PCDH15: variants seen among roughly 807,000 people sequenced by gnomAD.
The protein encoded by PCDH15 is protocadherin-15.
In PCDH15, 129 loss-of-function variants were observed where a neutral mutation model predicts 178.5. That is an observed-to-expected ratio of 0.72 (90% CI 0.63 to 0.84). The LOEUF (loss-of-function observed/expected upper bound fraction) is 0.84. PCDH15 is among the 40% of genes least tolerant of loss of function. The pLI is 0.00. For missense variants in PCDH15, 2,230 were observed against 2,099.9 expected (o/e 1.06, Z -1.21); for synonymous variants, 800 against 732.0 (o/e 1.09, Z -1.50).
chr10:53,881,710 T>C (rs749071013), intron 26 of PCDH15, among the ~76,000 whole-genome samples: 5 of 152,200 alleles, frequency 3.3e-5, no homozygotes, highest in African/African-American at 4.8e-5. Context: ...TACTTTTGTC[T>C]ACATAAAATT....
intron 9 of PCDH15, among the ~76,000 whole-genome samples, chr10:54,216,044 GAAAAAAA>G (rs10648282): frequency 9.7e-4 from 68 of 70,384 alleles, no homozygotes; most frequent in African/African-American, 2.7e-3. Flanking sequence ...CTCCGTCTCA[GAAAAAAA>G]AAAAAAAAAA....
intron 3 of PCDH15, among the ~76,000 whole-genome samples, chr10:54,463,166 G>A (rs1353793700): frequency 6.6e-6 from 1 of 152,064 alleles, no homozygotes; most frequent in Non-Finnish European, 1.5e-5. Context: ...CTAATAAGCT[G>A]AGTGAATGCC....
At chr10:55,379,353 A>C (rs1208436994) in intron 2 of PCDH15, among the ~76,000 whole-genome samples, 1 of 151,870 alleles carries the variant, frequency 6.6e-6, no homozygotes, top group African/African-American at 2.4e-5. Context: ...TAAGAAAATA[A>C]TTATTTAAAG....
intron 1 of PCDH15, among the ~76,000 whole-genome samples, chr10:54,681,689 T>C (rs2094902108): frequency 6.6e-6 from 1 of 151,974 alleles, no homozygotes; most frequent in Non-Finnish European, 1.5e-5. Flanking sequence ...ATATAATTTG[T>C]TAGTGTTTTT....
At chr10:53,915,514 T>A (rs1381276908) in intron 25 of PCDH15, among the ~76,000 whole-genome samples, 1 of 152,320 alleles carries the variant, frequency 6.6e-6, no homozygotes, top group East Asian at 1.9e-4. Context: ...GGTTAATAAC[T>A]GAATTGAGTA....
chr10:55,154,122 TAC>T (rs1463999047), intron 2 of PCDH15, among the ~76,000 whole-genome samples: 1 of 152,142 alleles, frequency 6.6e-6, no homozygotes, highest in Non-Finnish European at 1.5e-5. Flanking sequence ...ACATTATTTG[TAC>T]ATATATTCAG....
At chr10:54,554,231 G>C (rs2086922782) in intron 2 of PCDH15, among the ~76,000 whole-genome samples, 1 of 151,982 alleles carries the variant, frequency 6.6e-6, no homozygotes, top group Non-Finnish European at 1.5e-5. Context: ...TACACAACCT[G>C]AGTTTCACAA....
intron 3 of PCDH15, among the ~76,000 whole-genome samples, chr10:54,813,764 A>G (rs1285266917): frequency 6.6e-6 from 1 of 152,186 alleles, no homozygotes; most frequent in Non-Finnish European, 1.5e-5. Flanking sequence ...TGACATGTGA[A>G]AAAGATTTCT....
chr10:54,739,067 A>G (rs1043102605), intron 1 of PCDH15, among the ~76,000 whole-genome samples: 6 of 152,068 alleles, frequency 3.9e-5, no homozygotes, highest in African/African-American at 1.4e-4. Context: ...AGACAGAGGA[A>G]TGAAGCAATA....
chr10:53,910,642 C>G (rs1426469417), intron 25 of PCDH15, among the ~76,000 whole-genome samples: 1 of 152,122 alleles, frequency 6.6e-6, no homozygotes, highest in East Asian at 1.9e-4. Context: ...AGCAATGAAA[C>G]AAAGCTGGAT....
chr10:54,182,388 C>T (rs919655430), intron 13 of PCDH15, among the ~76,000 whole-genome samples: 20 of 152,022 alleles, frequency 1.3e-4, no homozygotes, highest in African/African-American at 4.1e-4. Flanking sequence ...CAGTGGCAAA[C>T]AAGACAGCCA....
At chr10:55,374,158 TA>T (rs1253853827) in intron 2 of PCDH15, among the ~76,000 whole-genome samples, 1 of 151,758 alleles carries the variant, frequency 6.6e-6, no homozygotes, top group Non-Finnish European at 1.5e-5. Flanking sequence ...TCTTCCTTAC[TA>T]AGAGATACAG....
intron 3 of PCDH15, among the ~76,000 whole-genome samples, chr10:54,816,979 A>C (rs76636583): frequency 6.6e-6 from 1 of 152,102 alleles, no homozygotes; most frequent in Non-Finnish European, 1.5e-5. Flanking sequence ...CCTTTCATAT[A>C]TTTTTGAATA....
intron 18 of PCDH15, among the ~76,000 whole-genome samples, chr10:54,043,451 T>C (rs1357306044): frequency 6.6e-6 from 1 of 152,044 alleles, no homozygotes. Flanking sequence ...TGGAGTGCAG[T>C]GGCACAACCA....
rs531426911 is a variant in PCDH15 at position 54,972,569 on chromosome 10, C to A, written c.-79-75069G>T. Among the ~76,000 whole-genome samples the A allele has an allele frequency of 5.3e-5, 8 of 151,390 alleles. No homozygotes were observed. The South Asian group carries it at 1.7e-3, about 32-fold the overall frequency. On this transcript the variant is annotated intron_variant, in intron 2 of 5. Coordinates refer to the PCDH15 transcript ENST00000458638. ...AAGATTAAAAAAAGAAAAATTCAGG[C>A]CATACGTGGTGGCTCACGCCTGTAA...
chr10:54,405,165 G>T (rs1429182213), intron 3 of PCDH15, among the ~76,000 whole-genome samples: 1 of 151,920 alleles, frequency 6.6e-6, no homozygotes, highest in Non-Finnish European at 1.5e-5. Context: ...TATACCTGAG[G>T]GAATAAAAAT....
intron 9 of PCDH15, among the ~76,000 whole-genome samples, chr10:54,235,705 C>G (rs1462127310): frequency 1.3e-5 from 2 of 152,136 alleles, no homozygotes; most frequent in Non-Finnish European, 2.9e-5. Context: ...CTCCACGACT[C>G]CCTAACCTAG....
chr10:55,440,486 C>T (rs1839155563), intron 2 of PCDH15, among the ~76,000 whole-genome samples: 1 of 152,058 alleles, frequency 6.6e-6, no homozygotes. Flanking sequence ...GAGAGAAAGA[C>T]ATAAGCAAAA....
intron 3 of PCDH15, among the ~76,000 whole-genome samples, chr10:54,857,461 T>G (rs1051502145): frequency 2.0e-5 from 3 of 152,174 alleles, no homozygotes; most frequent in Admixed American, 2.0e-4. Flanking sequence ...TACTTTTTTT[T>G]GACATACAAG....
Sources: gnomAD v4.1 joint callset for allele counts (sites outside exome capture counted in the v4.1 genomes callset) on GRCh38, gnomAD v4.1.1 for gene constraint, MANE v1.5 for transcripts, NCBI Gene and HGNC (gene_info 2026-07-23, HGNC 2026-07-21) for gene names.